The following SGMS1 variants were observed in gnomAD, a reference collection of about 807,000 sequenced individuals.
The protein encoded by SGMS1 is sphingomyelin synthase 1.
SGMS1 carries 13 observed loss-of-function variants against 46.2 expected under a neutral mutation model. The ratio of observed to expected loss-of-function variants is 0.28; its 90% CI spans 0.18 to 0.45. The LOEUF (loss-of-function observed/expected upper bound fraction) is 0.45. Among genes scored for constraint, SGMS1 ranks in the 20% least tolerant of loss-of-function variants. SGMS1 has a pLI of 1.00. For missense variants in SGMS1, 324 were observed against 519.9 expected, an observed-to-expected ratio of 0.62 and a Z score of 3.66; for synonymous variants, 203 against 187.8, an observed-to-expected ratio of 1.08 and a Z score of -0.66.
At chr10:50,551,869 C>T (rs1838151705) in intron 2 of SGMS1, among the ~76,000 whole-genome samples, 1 of 152,118 alleles carries the variant, frequency 6.6e-6, no homozygotes, top group Non-Finnish European at 1.5e-5. Flanking sequence ...CTTTCTGACA[C>T]ACAAATCTGA....
In SGMS1 at chr10:50,306,646, C is replaced by T. The variant is rs1847185339; in HGVS notation, c.*496G>A. 6.5e-6 allele frequency: 1 copy of T among 152,688 alleles called. No homozygotes were observed. Among genetic ancestry groups the T allele is most frequent in the Non-Finnish European group, 1.5e-5 (1 of 68,060 alleles). 9.5% of individuals were successfully genotyped at this position (152,688 alleles called of 1,614,324 possible). On this transcript the variant is annotated 3_prime_UTR_variant, in exon 11 of 11. Transcript: ENST00000361781. Reference sequence around the variant, plus strand: ...GTGTCTATCATTTTTATTTGAATATCGGTGCAACAGGTAGAAAGATTTCAG... The same window carrying T: ...GTGTCTATCATTTTTATTTGAATATTGGTGCAACAGGTAGAAAGATTTCAG...
At chr10:50,445,414 A>G (rs1045865631) in intron 5 of SGMS1, among the ~76,000 whole-genome samples, 7 of 152,248 alleles carry the variant, frequency 4.6e-5, no homozygotes, top group Admixed American at 1.3e-4. Context: ...TGTTGCGGGA[A>G]GTCAGGGACC....
chr10:50,437,784 G>A (rs1190149645), intron 5 of SGMS1, among the ~76,000 whole-genome samples: 1 of 152,186 alleles, frequency 6.6e-6, no homozygotes, highest in Non-Finnish European at 1.5e-5. Flanking sequence ...TGCTTAAAGA[G>A]AATAGTAATC....
chr10:50,362,838 C>A (rs890581546), intron 6 of SGMS1, among the ~76,000 whole-genome samples: 1 of 152,110 alleles, frequency 6.6e-6, no homozygotes, highest in East Asian at 1.9e-4. Context: ...AAAGAAGGTA[C>A]GGAGAAACCC....
intron 1 of SGMS1, among the ~76,000 whole-genome samples, chr10:50,612,243 C>T (rs1038653627): frequency 7.2e-5 from 11 of 152,226 alleles, no homozygotes; most frequent in Non-Finnish European, 7.3e-5. Context: ...TATAACATCC[C>T]GTCTTCATGG....
intron 1 of SGMS1, among the ~76,000 whole-genome samples, chr10:50,606,365 G>T (rs1838693913): frequency 6.6e-6 from 1 of 152,194 alleles, no homozygotes; most frequent in South Asian, 2.1e-4. Flanking sequence ...AGCTTGGGAT[G>T]AGGAAGTCAT....
At chr10:50,361,220 G>A (rs1589406434) in intron 6 of SGMS1, among the ~76,000 whole-genome samples, 1 of 152,120 alleles carries the variant, frequency 6.6e-6, no homozygotes, top group African/African-American at 2.4e-5. Flanking sequence ...AAGAGCTGGC[G>A]ATGGGGGTAG....
rs1589381115 is a variant in SGMS1 at position 50,314,504 on chromosome 10, C to T, written c.742-3089G>A. ...TGGCAAAATCTTCTGAGAAAATAAT[C>T]ACCAATAGTTTACCAGCAATTTAAA... On this transcript the variant is annotated intron_variant, in intron 8 of 10. Transcript: ENST00000361781. Among the ~76,000 whole-genome samples, 6 of 152,290 alleles carry T rather than the reference C, an allele frequency of 3.9e-5. 1 individual carries two copies. The highest frequency in any genetic ancestry group is 3.9e-4 in the Admixed American group (6 of 15,300).
intron 2 of SGMS1, among the ~76,000 whole-genome samples, chr10:50,526,792 C>A (rs1443132546): frequency 6.6e-6 from 1 of 152,032 alleles, no homozygotes; most frequent in Admixed American, 6.6e-5. Context: ...GCTGGCCGGG[C>A]ACGGTGGCTC....
intron 2 of SGMS1, among the ~76,000 whole-genome samples, chr10:50,553,374 T>C (rs1038300003): frequency 6.6e-6 from 1 of 152,202 alleles, no homozygotes; most frequent in Non-Finnish European, 1.5e-5. Flanking sequence ...ATGATATTCA[T>C]AGAGTTGCTC....
At chr10:50,341,240 G>A (rs1847816437) in intron 7 of SGMS1, 3 of 437,306 alleles carry the variant, frequency 6.9e-6, no homozygotes, top group South Asian at 3.2e-5. Context: ...GCCAGGAAAA[G>A]GTAGTTTATC....
intron 6 of SGMS1, among the ~76,000 whole-genome samples, chr10:50,385,597 T>A (rs1381214806): frequency 6.6e-6 from 1 of 152,126 alleles, no homozygotes; most frequent in Non-Finnish European, 1.5e-5. Flanking sequence ...TTTAAGCGAG[T>A]TGTCATGTTC....
At position 50,328,503 on chromosome 10, in the gene SGMS1, TA is replaced by T. The variant is rs371472098; in HGVS notation, c.624-1182del. The stretch of plus-strand genomic sequence containing the variant: ...TTTGTTTCATGTGTATTTTCTGTTT[TA>T]AAAAGAGAAACAAAGATATGTCACT... On this transcript the variant is annotated intron_variant, in intron 7 of 10. Coordinates refer to ENST00000361781, the MANE Select transcript of SGMS1 (RefSeq NM_147156.4). Among the ~76,000 whole-genome samples the T allele has an allele frequency of 2.3e-4, 35 of 152,352 alleles. No homozygotes were observed. The East Asian group carries it at 5.6e-3, about 24-fold the overall frequency.
chr10:50,438,224 A>G lies in SGMS1; in HGVS notation c.-312-4668T>C, dbSNP rs1020696695. 3.3e-5 allele frequency among the ~76,000 whole-genome samples: 5 copies of G among 152,312 alleles called. No individual in the cohort carries two copies. The East Asian group carries it at 7.7e-4, about 24-fold the overall frequency. The stretch of plus-strand genomic sequence containing the variant: ...TGCCTAATTCCCTCGCCCTTTCAGG[A>G]CAGGTTCTGTGACTTGCTTGTAGCC... On this transcript the variant is annotated intron_variant, in intron 5 of 10. Transcript: ENST00000361781.
chr10:50,375,124 GAAGT>G lies in SGMS1; in HGVS notation c.-231-30783_-231-30780del, dbSNP rs529973690. 2.1e-3 allele frequency among the ~76,000 whole-genome samples: 312 copies of G among 152,188 alleles called. 1 individual carries two copies. Among genetic ancestry groups the G allele is most frequent in the African/African-American group, 7.3e-3 (302 of 41,524 alleles). On this transcript the variant is annotated intron_variant, in intron 6 of 10. Coordinates refer to ENST00000361781, the MANE Select transcript of SGMS1 (RefSeq NM_147156.4). ...GGGAGCCTGGGCAACCAAGCAGAAA[GAAGT>G]AAGGAAGTGGGATTAGGTAATTTCC...
rs1346058777 is a variant in SGMS1 at position 50,318,827 on chromosome 10, A to G, written c.742-7412T>C. On this transcript the variant is annotated intron_variant, in intron 8 of 10. Transcript: ENST00000361781. ...CATTTCTCCATTCTCAAATGTACTCATCAATTCCTATACTAGGCAGACTTG... is the reference window on the plus strand; with the variant it reads ...CATTTCTCCATTCTCAAATGTACTCGTCAATTCCTATACTAGGCAGACTTG... 2.6e-5 allele frequency among the ~76,000 whole-genome samples: 4 copies of G among 152,278 alleles called. No individual in the cohort carries two copies. The East Asian group carries it at 7.7e-4, about 29-fold the overall frequency.
chr10:50,458,880 T>C (rs1837229951), intron 5 of SGMS1, among the ~76,000 whole-genome samples: 1 of 152,174 alleles, frequency 6.6e-6, no homozygotes, highest in East Asian at 1.9e-4. Flanking sequence ...AAAAATCAGA[T>C]AACATATACT....
chr10:50,308,412 G>T (rs1847207238), intron 9 of SGMS1, among the ~76,000 whole-genome samples: 1 of 152,054 alleles, frequency 6.6e-6, no homozygotes, highest in South Asian at 2.1e-4. Context: ...AAAAGATGAG[G>T]CTAATCAAAT....
intron 6 of SGMS1, among the ~76,000 whole-genome samples, chr10:50,419,106 A>G (rs1323871871): frequency 2.0e-5 from 3 of 152,166 alleles, no homozygotes; most frequent in Admixed American, 6.5e-5. Context: ...ATCATAGTAT[A>G]TATAGGGTTC....
Sources: allele counts gnomAD v4.1 joint callset (sites outside exome capture counted in the v4.1 genomes callset), GRCh38; gene constraint gnomAD v4.1.1; transcripts MANE v1.5; gene names NCBI Gene and HGNC (gene_info 2026-07-23, HGNC 2026-07-21).